APBA3: variants seen among roughly 807,000 people sequenced by gnomAD.
APBA3 encodes the protein amyloid-beta A4 precursor protein-binding family A member 3.
Under a neutral mutation model 55.9 loss-of-function variants are expected in APBA3, and 45 were observed. The observed-to-expected ratio is 0.80, with a 90% confidence interval of 0.63 to 1.03. APBA3 has a LOEUF of 1.03. Among genes scored for constraint, APBA3 ranks in the 50% least tolerant of loss-of-function variants. APBA3 has a pLI of 0.00. For synonymous variants in APBA3, 370 were observed against 353.3 expected, an observed-to-expected ratio of 1.05 and a Z score of -0.53; for missense variants, 865 against 820.3, an observed-to-expected ratio of 1.05 and a Z score of -0.67.
chr19:3,759,579 A>C lies in APBA3; in HGVS notation c.598T>G (p.Tyr200Asp). The C allele has an allele frequency of 6.3e-7, 1 of 1,599,210 alleles. No individual in the cohort carries two copies. The highest frequency in any genetic ancestry group is 8.5e-7 in the Non-Finnish European group (1 of 1,174,620). The change falls in exon 3 of 11, where the codon TAC becomes GAC. Residue 200 changes from tyrosine to aspartate, a missense_variant. By Grantham distance (160) the Tyr-to-Asp change is radical. Transcript: ENST00000316757. ...CACTCACCCTCCTGGGGGGCAGGGT[A>C]GGAAGCCAGGGTCTCGGGGCTCTGG... ...GAQSPETLAS[Y>D]PAPQEVPGPC...
rs763100988 is a variant in APBA3 at position 3,752,982 on chromosome 19, G to A, written c.1020C>T (p.Leu340=). The A allele has an allele frequency of 4.2e-5, 68 of 1,611,754 alleles. No homozygotes were observed. The highest frequency in any genetic ancestry group is 5.7e-5 in the Non-Finnish European group (67 of 1,179,864). ...AGGCCTGGCCAATGGCCTGGGCGAT[G>A]AGCTGGGCCTGCGGGGAGGAGTGGC... ...CHVFYAEDAQ[L]IAQAIGQAFA... is the part of the protein sequence containing the mutation. The change falls in exon 7 of 11, where the codon CTC becomes CTT. Residue 340 remains leucine, a synonymous_variant. Coordinates refer to ENST00000316757, the MANE Select transcript of APBA3 (RefSeq NM_004886.4).
intron 3 of APBA3, among the ~76,000 whole-genome samples, chr19:3,757,576 A>G (rs1036828716): frequency 6.6e-6 from 1 of 152,190 alleles, no homozygotes; most frequent in African/African-American, 2.4e-5. Flanking sequence ...TACTAAAAAT[A>G]TAAAAATTAG....
At chr19:3,759,311 T>C (rs944966301) in intron 3 of APBA3, among the ~76,000 whole-genome samples, 3 of 152,138 alleles carry the variant, frequency 2.0e-5, no homozygotes, top group Admixed American at 6.5e-5. Context: ...CCGACGACGA[T>C]GATTTGCCAA....
Position 3,754,203 on chromosome 19 carries a change from G to A in APBA3, c.754C>T (p.Arg252Cys), listed in dbSNP as rs764194208. ...RMAQAREAMDRVKAPDGETQP... is the reference protein window; with the variant it reads ...RMAQAREAMDCVKAPDGETQP... Reference sequence around the variant, plus strand: ...CCCGGCCGCCCCCTCACCTTGACGCGGTCCATGGCCTCCCGGGCCTGGGCC... The same window carrying A: ...CCCGGCCGCCCCCTCACCTTGACGCAGTCCATGGCCTCCCGGGCCTGGGCC... Residue 252 changes from arginine (R) to cysteine (C), a missense_variant, in exon 4 of 11, where the codon CGC (arginine) becomes TGC (cysteine). Physicochemically the swap from Arg to Cys is radical, Grantham distance 180. Transcript: ENST00000316757. 6.1e-5 allele frequency: 94 copies of A among 1,540,174 alleles called. No individual in the cohort carries two copies. Among genetic ancestry groups the A allele is most frequent in the East Asian group, 4.4e-4 (18 of 40,776 alleles).
At position 3,752,668 on chromosome 19, in the gene APBA3, G is replaced by C; in HGVS notation, c.1235C>G (p.Ser412Trp). ...TGTGGGCAGCAGGGAGCCCCAGCCC[G>C]ACTCCACCAGGGCCACGCCCAGGCC... is the stretch of plus-strand genomic sequence containing the variant. ...GEGLGVALVE[S>W]GWGSLLPTAV... is the part of the protein sequence containing the mutation. The change falls in exon 8 of 11, where the codon TCG becomes TGG. Residue 412 changes from serine (S) to tryptophan (W), a missense_variant. By Grantham distance (177) the Ser-to-Trp change is radical. Transcript: ENST00000316757. The C allele has an allele frequency of 1.3e-6, 2 of 1,592,110 alleles. No homozygotes were observed. The highest frequency in any genetic ancestry group is 1.7e-6 in the Non-Finnish European group (2 of 1,174,862).
At chr19:3,753,237 A>G (rs545119147) in intron 6 of APBA3, 7 of 560,346 alleles carry the variant, frequency 1.2e-5, no homozygotes, top group South Asian at 7.1e-5. Flanking sequence ...CTCCCTGCGC[A>G]TGGGCTGTGG....
intron 3 of APBA3, chr19:3,754,572 T>G: frequency 3.8e-6 from 2 of 528,844 alleles, no homozygotes; most frequent in Non-Finnish European, 6.5e-6. Context: ...AACCAGTGAG[T>G]CCAGGCCATG....
rs746749129 is a variant in APBA3, at chr19:3,752,613, C to A, written c.1290G>T (p.Gly430=). 1.3e-6 allele frequency: 2 copies of A among 1,584,964 alleles called. No individual in the cohort carries two copies. The highest frequency in any genetic ancestry group is 1.8e-5 in the Admixed American group (1 of 56,708). ...TAVIANLLHG[G]PAERSGALSI... Reference sequence around the variant, plus strand: ...TGAGGGCCCCCGAGCGCTCAGCAGGCCCCCCGTGCAGCAGGTTGGCGATGA... The same window carrying A: ...TGAGGGCCCCCGAGCGCTCAGCAGGACCCCCGTGCAGCAGGTTGGCGATGA... The change falls in exon 8 of 11, where the codon GGG becomes GGT. Residue 430 remains glycine (G), a synonymous_variant. Coordinates refer to ENST00000316757, the MANE Select transcript of APBA3 (RefSeq NM_004886.4).
Position 3,751,231 on chromosome 19 carries a change from T to G in APBA3, c.1614A>C (p.Pro538=). The change falls in exon 10 of 11, where the codon CCA becomes CCC. Residue 538 remains proline, a synonymous_variant. Coordinates refer to ENST00000316757, the MANE Select transcript of APBA3 (RefSeq NM_004886.4). ...TGAGCAGCTCGATGATGCGGGCGTG[T>G]GGCGTGGCCACCACACTCTGCCCAT... The part of the protein sequence containing the change: ...EINGQSVVAT[P]HARIIELLTE... The G allele has an allele frequency of 6.5e-7, 1 of 1,548,636 alleles. No homozygotes were observed. Among genetic ancestry groups the G allele is most frequent in the Non-Finnish European group, 8.7e-7 (1 of 1,148,268 alleles).
chr19:3,752,868 G>A lies in APBA3; in HGVS notation c.1134C>T (p.Leu378=), dbSNP rs1459945853. The A allele has an allele frequency of 1.5e-5, 24 of 1,613,418 alleles. No individual in the cohort carries two copies. Among genetic ancestry groups the A allele is most frequent in the Non-Finnish European group, 2.0e-5 (24 of 1,179,886 alleles). ...GVHPSPGACH[L]HNGDLDHFSN... ...AGAAGTGGTCCAGGTCCCCATTATG[G>A]AGGTGGCAGGCGCCTGGGCTCGGGT... The change falls in exon 7 of 11, where the codon CTC becomes CTT. Residue 378 remains leucine, a synonymous_variant. Coordinates refer to ENST00000316757, the MANE Select transcript of APBA3 (RefSeq NM_004886.4).
At chr19:3,757,894 C>T (rs1435255056) in intron 3 of APBA3, among the ~76,000 whole-genome samples, 1 of 152,348 alleles carries the variant, frequency 6.6e-6, no homozygotes, top group South Asian at 2.1e-4. Context: ...AATAACCAAG[C>T]ATGATGTGTA....
chr19:3,760,712 G>A (rs2037134812), intron 1 of APBA3, among the ~76,000 whole-genome samples: 1 of 148,266 alleles, frequency 6.7e-6, no homozygotes, highest in Non-Finnish European at 1.5e-5. Flanking sequence ...TCGCGCCATT[G>A]CACTCCAAGG....
rs2037129042 is a variant in APBA3, at chr19:3,760,236, G to A, written c.29C>T (p.Pro10Leu). MDFPTISRS[P>L]SGPPAMDLEG... is the part of the protein sequence containing the mutation. The stretch of plus-strand genomic sequence containing the variant: ...CAAGTCCATGGCTGGAGGCCCCGAA[G>A]GGGATCGGGAAATTGTGGGGAAGTC... Residue 10 changes from proline (P) to leucine (L), a missense_variant, in exon 2 of 11, where the codon CCT (proline) becomes CTT (leucine). Pro to Leu is a moderately conservative substitution (Grantham distance 98). Transcript: ENST00000316757. The A allele has an allele frequency of 6.2e-7, 1 of 1,605,414 alleles. No homozygotes were observed. The highest frequency in any genetic ancestry group is 1.3e-5 in the African/African-American group (1 of 74,720).
rs976789118 is a variant in APBA3 at position 3,750,796 on chromosome 19, CAG to C, written c.*228_*229del. The C allele has an allele frequency of 1.6e-5, 17 of 1,074,108 alleles. No homozygotes were observed. The Admixed American group carries it at 3.3e-4, about 21-fold the overall frequency. 66.5% of individuals were successfully genotyped at this position (1,074,108 alleles called of 1,614,324 possible). On this transcript the variant is annotated 3_prime_UTR_variant, in exon 11 of 11. Coordinates refer to ENST00000316757, the MANE Select transcript of APBA3 (RefSeq NM_004886.4). ...CTCCCTCCGCCTGGTCTTTAATAAA[CAG>C]AGTATTTTCACAGCACCGGCTTCTA...
At chr19:3,760,430 G>T in intron 1 of APBA3, 129 bp from the exon 2 acceptor site, 1 of 606,136 alleles carries the variant, frequency 1.6e-6, no homozygotes, top group Non-Finnish European at 2.8e-6. Context: ...GGGCAACAGA[G>T]CAAGACCCTC....
rs1159906482 is a variant in APBA3, at chr19:3,752,972, CCTGGGCGATGAG to C, written c.1018_1029del (p.Leu340_Gln343del). 6.2e-7 allele frequency: 1 copy of C among 1,612,388 alleles called. No homozygotes were observed. The highest frequency in any genetic ancestry group is 1.1e-5 in the South Asian group (1 of 91,068). Reference sequence around the variant, plus strand: ...GCGGCGGCGAAGGCCTGGCCAATGGCCTGGGCGATGAGCTGGGCCTGCGGGGAGGAGTGGCGC... The same window carrying C: ...GCGGCGGCGAAGGCCTGGCCAATGGCCTGGGCCTGCGGGGAGGAGTGGCGC... On this transcript the variant is annotated inframe_deletion, in exon 7 of 11. Coordinates refer to ENST00000316757, the MANE Select transcript of APBA3 (RefSeq NM_004886.4).
Position 3,754,124 on chromosome 19 carries a change from G to C in APBA3, c.763-19C>G, listed in dbSNP as rs2037046337. ...CGGGGGCCTGTGGGTGGCGGCGTGGGAGGTGGAGGCCCCCACAGACCCAGC... is the reference window on the plus strand; with the variant it reads ...CGGGGGCCTGTGGGTGGCGGCGTGGCAGGTGGAGGCCCCCACAGACCCAGC... On this transcript the variant is annotated intron_variant, in intron 4 of 10. Coordinates refer to ENST00000316757, the MANE Select transcript of APBA3 (RefSeq NM_004886.4). 1.3e-6 allele frequency: 2 copies of C among 1,580,212 alleles called. No homozygotes were observed. The highest frequency in any genetic ancestry group is 2.7e-5 in the African/African-American group (2 of 74,146).
At position 3,754,011 on chromosome 19, in the gene APBA3, C is replaced by G; in HGVS notation, c.849+8G>C. On this transcript the variant is annotated splice_region_variant and intron_variant, in intron 5 of 10. Transcript: ENST00000316757. ...CCCGCATCCCTGGGGCGGGTCCCTGCCCCGTACCTGGGAGTCCGCTGTCAA... is the reference window on the plus strand; with the variant it reads ...CCCGCATCCCTGGGGCGGGTCCCTGGCCCGTACCTGGGAGTCCGCTGTCAA... The G allele has an allele frequency of 3.1e-6, 5 of 1,606,266 alleles. No homozygotes were observed. Among genetic ancestry groups the G allele is most frequent in the Non-Finnish European group, 4.2e-6 (5 of 1,176,564 alleles).
Position 3,750,837 on chromosome 19 carries a change from A to G in APBA3, c.*189T>C, listed in dbSNP as rs2036986265. ...CACCGGCTTCTAGTGGCTTCCAGGAAGGACAAGGTCCTCGGTCCCGTAGAC... is the reference window on the plus strand; with the variant it reads ...CACCGGCTTCTAGTGGCTTCCAGGAGGGACAAGGTCCTCGGTCCCGTAGAC... On this transcript the variant is annotated 3_prime_UTR_variant, in exon 11 of 11. Transcript: ENST00000316757. 1.0e-6 allele frequency: 1 copy of G among 960,144 alleles called. No individual in the cohort carries two copies. Among genetic ancestry groups the G allele is most frequent in the Non-Finnish European group, 1.6e-6 (1 of 629,358 alleles). 59.5% of individuals were successfully genotyped at this position (960,144 alleles called of 1,614,324 possible). A position where few individuals can be genotyped will look rare whatever the true frequency, so the allele number is the denominator to read the frequency against.
Sources: gnomAD v4.1 joint callset for allele counts (sites outside exome capture counted in the v4.1 genomes callset) on GRCh38, gnomAD v4.1.1 for gene constraint, MANE v1.5 for transcripts, NCBI Gene and HGNC (gene_info 2026-07-23, HGNC 2026-07-21) for gene names.